Variants in PRSS23 observed in about 807,000 individuals in gnomAD.
The protein encoded by PRSS23 is serine protease 23, also known as protease, serine 23.
PRSS23 carries 25 observed loss-of-function variants against 34.7 expected under a neutral mutation model. That is an observed-to-expected ratio of 0.72 (90% confidence interval 0.53 to 1.01). The LOEUF is 1.01. Ranked by LOEUF, PRSS23 falls within the 50% of genes least tolerant of loss-of-function variation. The pLI, the probability that PRSS23 is intolerant of heterozygous loss-of-function variation, is 0.00. For synonymous variants in PRSS23, 176 were observed against 186.6 expected (o/e 0.94, Z 0.46); for missense variants, 445 against 475.6 (o/e 0.94, Z 0.60).
intron 2 of PRSS23, chr11:86,832,432 G>T (rs1000481097): frequency 2.2e-5 from 4 of 184,184 alleles, no homozygotes; most frequent in African/African-American, 4.7e-5. Context: ...TATCACAGTG[G>T]GTCTTCACCC....
At chr11:86,825,537 A>G (rs984727693) in intron 2 of PRSS23, among the ~76,000 whole-genome samples, 1 of 151,516 alleles carries the variant, frequency 6.6e-6, no homozygotes, top group African/African-American at 2.4e-5. Context: ...TTGGTGTTTT[A>G]GACATGAAGT....
chr11:86,857,709 A>C, intron 2 of PRSS23: 1 of 666,738 alleles, frequency 1.5e-6, no homozygotes, highest in Non-Finnish European at 2.6e-6. Context: ...GGACAAAGAA[A>C]GACATCTGTG....
chr11:86,920,669 A>G (rs1488032405), intron 2 of PRSS23, among the ~76,000 whole-genome samples: 3 of 152,130 alleles, frequency 2.0e-5, no homozygotes, highest in East Asian at 3.9e-4. Flanking sequence ...TAGATGCCCT[A>G]CCGTAAAATC....
intron 2 of PRSS23, among the ~76,000 whole-genome samples, chr11:86,923,179 A>G (rs1301740460): frequency 6.7e-6 from 1 of 148,224 alleles, no homozygotes; most frequent in Non-Finnish European, 1.5e-5. Context: ...GCTGGAGTGC[A>G]ATGGTGTGAT....
At chr11:86,889,092 T>C (rs1286503725) in intron 2 of PRSS23, among the ~76,000 whole-genome samples, 1 of 152,216 alleles carries the variant, frequency 6.6e-6, no homozygotes, top group Non-Finnish European at 1.5e-5. Flanking sequence ...TGATTCTTTC[T>C]GCCCATCTCT....
At chr11:86,871,606 A>C (rs531894055) in intron 2 of PRSS23, among the ~76,000 whole-genome samples, 1 of 152,140 alleles carries the variant, frequency 6.6e-6, no homozygotes, top group Non-Finnish European at 1.5e-5. Context: ...CTCTTCCCAA[A>C]TCATTTTGTA....
chr11:86,866,845 G>A (rs1412739405), intron 2 of PRSS23, among the ~76,000 whole-genome samples: 3 of 149,430 alleles, frequency 2.0e-5, no homozygotes, highest in Non-Finnish European at 3.0e-5. Flanking sequence ...CTCTCACCAC[G>A]TGATCTCCAC....
intron 1 of PRSS23, among the ~76,000 whole-genome samples, chr11:86,801,548 T>C (rs572903228): frequency 6.6e-6 from 1 of 152,338 alleles, no homozygotes; most frequent in Admixed American, 6.5e-5. Context: ...GGGCTCCCTG[T>C]GCACTCCTTA....
chr11:86,876,943 AAG>A (rs780533481), intron 2 of PRSS23, among the ~76,000 whole-genome samples: 3 of 152,192 alleles, frequency 2.0e-5, no homozygotes, highest in Non-Finnish European at 4.4e-5. Context: ...CAACTGAGTA[AAG>A]AGTCTCCATC....
chr11:86,827,880 C>G (rs1381851345), intron 2 of PRSS23, among the ~76,000 whole-genome samples: 1 of 152,138 alleles, frequency 6.6e-6, no homozygotes, highest in African/African-American at 2.4e-5. Flanking sequence ...AATGTCTGAT[C>G]TTTTACATTT....
intron 2 of PRSS23, among the ~76,000 whole-genome samples, chr11:86,866,599 T>A (rs1177361520): frequency 6.6e-6 from 1 of 152,232 alleles, no homozygotes; most frequent in East Asian, 1.9e-4. Flanking sequence ...TATTTAAGGA[T>A]GAGCAAGATA....
intron 2 of PRSS23, among the ~76,000 whole-genome samples, chr11:86,939,426 A>ATATATATTTTTTTTTTTT: frequency 9.6e-5 from 9 of 94,076 alleles, no homozygotes; most frequent in Admixed American, 2.6e-4. Context: ...ATATATATAT[A>ATATATATTTTTTTTTTTT]TTTTTTAACA....
chr11:86,952,279 C>T (rs1949300878), exon 3 of PRSS23: 4 of 1,614,196 alleles, frequency 2.5e-6, no homozygotes, highest in Non-Finnish European at 3.4e-6. Flanking sequence ...CTGGCCCTTC[C>T]ATGCACATGT....
intron 1 of PRSS23, among the ~76,000 whole-genome samples, chr11:86,816,325 G>A (rs770245697): frequency 7.9e-5 from 12 of 152,178 alleles, no homozygotes; most frequent in African/African-American, 1.2e-4. Context: ...TGTGCTCAGG[G>A]TGTTCATGCG....
intron 2 of PRSS23, among the ~76,000 whole-genome samples, chr11:86,831,988 C>G (rs1168809538): frequency 6.6e-6 from 1 of 151,608 alleles, no homozygotes; most frequent in East Asian, 2.0e-4. Context: ...GACCTTACTC[C>G]TAATGTTCGA....
At chr11:86,915,075 A>G (rs1372756222) in intron 2 of PRSS23, among the ~76,000 whole-genome samples, 1 of 152,254 alleles carries the variant, frequency 6.6e-6, no homozygotes, top group Non-Finnish European at 1.5e-5. Context: ...GTTGGGAACC[A>G]TCAATCGCAT....
intron 2 of PRSS23, among the ~76,000 whole-genome samples, chr11:86,841,689 G>C (rs1311126850): frequency 1.3e-5 from 2 of 152,154 alleles, no homozygotes; most frequent in East Asian, 3.8e-4. Context: ...TAGAAGAAAT[G>C]GATATATTCC....
chr11:86,801,274 C>G (rs1367412547), intron 1 of PRSS23, among the ~76,000 whole-genome samples: 1 of 152,188 alleles, frequency 6.6e-6, no homozygotes. Context: ...GTTCTTCTGC[C>G]TGTAGGCATT....
At position 86,850,161 on chromosome 11, in the gene PRSS23, T is replaced by C. The variant is rs1464291915; in HGVS notation, c.206+26568T>C. 2.6e-5 allele frequency among the ~76,000 whole-genome samples: 4 copies of C among 152,158 alleles called. 1 individual carries two copies. In the East Asian group the frequency reaches 7.7e-4, roughly 29 times the overall value. ...AGGCCTTGCATTTTTAACCTCCTTG[T>C]CAAATTTGTTTCCTCCAGGATCGAG... On this transcript the variant is annotated intron_variant, in intron 2 of 2. Coordinates refer to the PRSS23 transcript ENST00000533902.
Sources: allele counts gnomAD v4.1 joint callset (sites outside exome capture counted in the v4.1 genomes callset), GRCh38; gene constraint gnomAD v4.1.1; transcripts MANE v1.5; gene names NCBI Gene and HGNC (gene_info 2026-07-23, HGNC 2026-07-21).